FAM83C: variants seen among roughly 807,000 people sequenced by gnomAD.
The protein encoded by FAM83C is protein FAM83C.
In FAM83C, 23 loss-of-function variants were observed where a neutral mutation model predicts 27.1. The observed-to-expected ratio is 0.85, with a 90% CI of 0.61 to 1.20. The LOEUF (loss-of-function observed/expected upper bound fraction) is 1.20, where lower values mean the gene tolerates loss of function less well. Among genes scored for constraint, FAM83C ranks in the 50% most tolerant of loss-of-function variants. FAM83C has a pLI of 0.00. For synonymous variants in FAM83C, 426 were observed against 423.1 expected, an observed-to-expected ratio of 1.01 and a Z score of -0.09; for missense variants, 984 against 1,001.3, an observed-to-expected ratio of 0.98 and a Z score of 0.23.
Position 35,291,986 on chromosome 20 carries a change from G to C in FAM83C, c.319C>G (p.Leu107Val). 1 of 1,613,356 alleles carries C rather than the reference G, an allele frequency of 6.2e-7. No homozygotes were observed. Among genetic ancestry groups the C allele is most frequent in the Non-Finnish European group, 8.5e-7 (1 of 1,179,520 alleles). The part of the protein sequence containing the change: ...QEASGPDRLS[L>V]LSEVTSGTYF... ...GTCCCTGAGGTGACTTCAGAGAGCA[G>C]GCTGAGGCGGTCTGGCCCGGAGGCC... Residue 107 changes from leucine (L) to valine (V), a missense_variant, in exon 1 of 4, where the codon CTG becomes GTG. Leu to Val is a conservative substitution (Grantham distance 32). Coordinates refer to ENST00000374408, the MANE Select transcript of FAM83C (RefSeq NM_178468.6).
rs201285340 is a variant in FAM83C at position 35,288,600 on chromosome 20, G to A, written c.682-15C>T. 1.7e-4 allele frequency: 277 copies of A among 1,613,770 alleles called. 1 individual carries two copies. The highest frequency in any genetic ancestry group is 2.2e-4 in the Non-Finnish European group (257 of 1,179,772). ...ACACGCATGTTCTAGGTGGAAGTAG[G>A]TTGGGGGTGACCTTGAGAGAGTGAG... On this transcript the variant is annotated splice_polypyrimidine_tract_variant and intron_variant, in intron 2 of 3. Transcript: ENST00000374408.
At position 35,286,418 on chromosome 20, in the gene FAM83C, T is replaced by A; in HGVS notation, c.*117A>T. ...GAATCTTGAGCCCAGAGAGTGTGTC[T>A]GACCTGGGTTTCTAGACACCTCCCT... On this transcript the variant is annotated 3_prime_UTR_variant, in exon 4 of 4. Transcript: ENST00000374408. The A allele has an allele frequency of 2.2e-6, 2 of 898,472 alleles. No individual in the cohort carries two copies. Among genetic ancestry groups the A allele is most frequent in the South Asian group, 3.5e-5 (2 of 57,254 alleles). The allele number at this position is 898,472 out of a possible 1,614,324, so 55.7% of individuals were successfully genotyped here.
Position 35,287,762 on chromosome 20 carries a change from C to A in FAM83C, c.1017G>T (p.Thr339=). Residue 339 remains threonine (T), a synonymous_variant, in exon 4 of 4, where the codon ACG becomes ACT. Coordinates refer to ENST00000374408, the MANE Select transcript of FAM83C (RefSeq NM_178468.6). ...GGCTGGTGCTGGAGGGCAGGGACGA[C>A]GTGGGGCTTGGGACATCAGGCCTGA... ...LAFRPDVPSP[T]SSLPSSTSLS... 6.2e-7 allele frequency: 1 copy of A among 1,612,904 alleles called. No individual in the cohort carries two copies. The highest frequency in any genetic ancestry group is 8.5e-7 in the Non-Finnish European group (1 of 1,179,472).
rs2060834818 is a variant in FAM83C, at chr20:35,287,934, A to G, written c.845T>C (p.Val282Ala). The G allele has an allele frequency of 1.9e-6, 3 of 1,557,948 alleles. No individual in the cohort carries two copies. The highest frequency in any genetic ancestry group is 1.7e-4 in the Middle Eastern group (1 of 6,004). Residue 282 changes from valine (V) to alanine (A), a missense_variant, in exon 4 of 4, where the codon GTG (valine) becomes GCG (alanine). Physicochemically the swap from Val to Ala is moderately conservative, Grantham distance 64. Transcript: ENST00000374408. ...WLCSQAHTSM[V>A]LQLRGRIVED... ...CACGATGCGGCCCCTCAGCTGCAGCACCATGCTAGTGTGGGCCTGGCTGCA... is the reference window on the plus strand; with the variant it reads ...CACGATGCGGCCCCTCAGCTGCAGCGCCATGCTAGTGTGGGCCTGGCTGCA...
intron 3 of FAM83C, 139 bp from the exon 4 acceptor site, chr20:35,288,111 A>G: frequency 1.3e-6 from 1 of 799,732 alleles, no homozygotes; most frequent in Non-Finnish European, 1.9e-6. Flanking sequence ...AGCGAGGGGC[A>G]GAGCTCCAAC....
chr20:35,291,947 C>G lies in FAM83C; in HGVS notation c.358G>C (p.Ala120Pro). Residue 120 changes from alanine to proline, a missense_variant, in exon 1 of 4, where the codon GCC becomes CCC. By Grantham distance (27) the Ala-to-Pro change is conservative. Coordinates refer to ENST00000374408, the MANE Select transcript of FAM83C (RefSeq NM_178468.6). Reference protein sequence around the residue: ...EVTSGTYFPMASDIDPPDLDL... With the variant: ...EVTSGTYFPMPSDIDPPDLDL... ...AGGTCTGGGGGGTCTATGTCAGAGGCCATGGGGAAGTAAGTCCCTGAGGTG... is the reference window on the plus strand; with the variant it reads ...AGGTCTGGGGGGTCTATGTCAGAGGGCATGGGGAAGTAAGTCCCTGAGGTG... 1 of 1,610,668 alleles carries G rather than the reference C, an allele frequency of 6.2e-7. No individual in the cohort carries two copies. Among genetic ancestry groups the G allele is most frequent in the East Asian group, 2.2e-5 (1 of 44,772 alleles).
Position 35,287,026 on chromosome 20 carries a change from G to C in FAM83C, c.1753C>G (p.Leu585Val), listed in dbSNP as rs1453024504. ...PGDRALEDRRLSLNQSRGQSD... is the reference protein window; with the variant it reads ...PGDRALEDRRVSLNQSRGQSD... Reference sequence around the variant, plus strand: ...TGGCCACGGCTTTGGTTTAGGGACAGCCTCCTGTCCTCCAGGGCCCGATCA... The same window carrying C: ...TGGCCACGGCTTTGGTTTAGGGACACCCTCCTGTCCTCCAGGGCCCGATCA... Residue 585 changes from leucine (L) to valine (V), a missense_variant, in exon 4 of 4, where the codon CTG (leucine) becomes GTG (valine). Transcript: ENST00000374408. 1.2e-6 allele frequency: 2 copies of C among 1,606,648 alleles called. No homozygotes were observed.
intron 3 of FAM83C, 86 bp from the exon 4 acceptor site, chr20:35,288,058 G>A: frequency 5.9e-6 from 7 of 1,191,798 alleles, no homozygotes; most frequent in Non-Finnish European, 8.2e-6. Context: ...TGCATACCTG[G>A]TCCAGCACGC....
chr20:35,285,913 G>T lies in FAM83C; in HGVS notation c.*622C>A, dbSNP rs2060820798. ...TCAGCAAGATGATGACGACGACAAT[G>T]ATGATGATGATAATGATGATGTGTG... On this transcript the variant is annotated 3_prime_UTR_variant, in exon 4 of 4. Coordinates refer to ENST00000374408, the MANE Select transcript of FAM83C (RefSeq NM_178468.6). 6.5e-6 allele frequency: 1 copy of T among 154,346 alleles called. No individual in the cohort carries two copies. Among genetic ancestry groups the T allele is most frequent in the African/African-American group, 2.4e-5 (1 of 40,840 alleles). 9.6% of individuals were successfully genotyped at this position (154,346 alleles called of 1,614,324 possible).
Position 35,291,841 on chromosome 20 carries a change from G to A in FAM83C, c.464C>T (p.Ala155Val). The stretch of plus-strand genomic sequence containing the variant: ...GCGCAGCAGGTCCTTGATGTTCTTG[G>A]CCTTGTCCCTCTGGAAGTGGACCAC... ...QAVVHFQRDK[A>V]KNIKDLLRFL... is the part of the protein sequence containing the mutation. Residue 155 changes from alanine (A) to valine (V), a missense_variant, in exon 1 of 4, where the codon GCC becomes GTC. Ala to Val is a moderately conservative substitution (Grantham distance 64). Coordinates refer to ENST00000374408, the MANE Select transcript of FAM83C (RefSeq NM_178468.6). 1 of 1,614,186 alleles carries A rather than the reference G, an allele frequency of 6.2e-7. No individual in the cohort carries two copies. Among genetic ancestry groups the A allele is most frequent in the African/African-American group, 1.3e-5 (1 of 75,058 alleles).
intron 1 of FAM83C, among the ~76,000 whole-genome samples, chr20:35,289,363 CAG>C: frequency 6.7e-6 from 1 of 150,258 alleles, no homozygotes; most frequent in South Asian, 2.1e-4. Context: ...TTTTTTGAGA[CAG>C]AGTCTCACTC....
In FAM83C at chr20:35,292,288, C is replaced by T; in HGVS notation, c.17G>A (p.Gly6Glu). The change falls in exon 1 of 4, where the codon GGG (glycine) becomes GAG (glutamate). Residue 6 changes from glycine (G) to glutamate (E), a missense_variant. Transcript: ENST00000374408. MFGGP[G>E]PGVLGAQGMA... ...GCCCTGGGCTCCCAGGACCCCAGGC[C>T]CCGGGCCTCCGAACATGCCTGCCAC... 1 of 1,531,228 alleles carries T rather than the reference C, an allele frequency of 6.5e-7. No individual in the cohort carries two copies. Among genetic ancestry groups the T allele is most frequent in the African/African-American group, 1.4e-5 (1 of 73,236 alleles). The allele number at this position is 1,531,228 out of a possible 1,614,324, so 94.9% of individuals were successfully genotyped here. A position where few individuals can be genotyped will look rare whatever the true frequency, so the allele number is the denominator to read the frequency against.
rs764458640 is a variant in FAM83C, at chr20:35,287,401, G to A, written c.1378C>T (p.Pro460Ser). The change falls in exon 4 of 4, where the codon CCA becomes TCA. Residue 460 changes from proline to serine, a missense_variant. Transcript: ENST00000374408. ...RPLLQFHRGA[P>S]ALSRFPENGL... Reference sequence around the variant, plus strand: ...TTCTCTGGGAACCGGGACAGAGCTGGGGCACCCCGATGGAACTGGAGGAGG... The same window carrying A: ...TTCTCTGGGAACCGGGACAGAGCTGAGGCACCCCGATGGAACTGGAGGAGG... The A allele has an allele frequency of 3.7e-6, 6 of 1,614,116 alleles. No homozygotes were observed. Among genetic ancestry groups the A allele is most frequent in the Admixed American group, 3.3e-5 (2 of 60,028 alleles).
At chr20:35,290,167 G>A (rs2060842844) in intron 1 of FAM83C, among the ~76,000 whole-genome samples, 1 of 152,202 alleles carries the variant, frequency 6.6e-6, no homozygotes, top group African/African-American at 2.4e-5. Context: ...CATGCCAAAT[G>A]GATCCAAGTT....
At chr20:35,288,306 G>A (rs1373430239) in intron 3 of FAM83C, among the ~76,000 whole-genome samples, 155 bp downstream of exon 3, 1 of 152,064 alleles carries the variant, frequency 6.6e-6, no homozygotes, top group Non-Finnish European at 1.5e-5. Context: ...CTCCAGGGCC[G>A]ATGCCCCCGA....
In FAM83C at chr20:35,291,861, G is replaced by C. The variant is rs771129353; in HGVS notation, c.444C>G (p.Val148=). ...TCTTGGCCTTGTCCCTCTGGAAGTG[G>C]ACCACAGCCTGGGTGGGGCTGAAGC... The part of the protein sequence containing the change: ...ATGFSPTQAV[V]HFQRDKAKNI... The change falls in exon 1 of 4, where the codon GTC becomes GTG. Residue 148 remains valine, a synonymous_variant. Transcript: ENST00000374408. 1.9e-5 allele frequency: 30 copies of C among 1,614,172 alleles called. No individual in the cohort carries two copies. The highest frequency in any genetic ancestry group is 2.5e-5 in the Non-Finnish European group (29 of 1,180,022).
chr20:35,286,742 C>T lies in FAM83C; in HGVS notation c.2037G>A (p.Lys679=). The T allele has an allele frequency of 6.2e-7, 1 of 1,614,168 alleles. No individual in the cohort carries two copies. Among genetic ancestry groups the T allele is most frequent in the Non-Finnish European group, 8.5e-7 (1 of 1,180,018 alleles). Residue 679 remains lysine, a synonymous_variant, in exon 4 of 4, where the codon AAG becomes AAA. Coordinates refer to ENST00000374408, the MANE Select transcript of FAM83C (RefSeq NM_178468.6). Reference sequence around the variant, plus strand: ...GATGATACTTGGTGATGAGGTCCAGCTTGCTGTGGCCCAGGGTTAGCCGTT... The same window carrying T: ...GATGATACTTGGTGATGAGGTCCAGTTTGCTGTGGCCCAGGGTTAGCCGTT... ...DEKRLTLGHS[K]LDLITKYHQL...
At position 35,292,091 on chromosome 20, in the gene FAM83C, A is replaced by G. The variant is rs145541582; in HGVS notation, c.214T>C (p.Phe72Leu). The G allele has an allele frequency of 4.5e-5, 72 of 1,608,292 alleles. 2 individuals are homozygous for G. In the African/African-American group the frequency reaches 8.8e-4, roughly 20 times the overall value. Residue 72 changes from phenylalanine to leucine, a missense_variant, in exon 1 of 4, where the codon TTC becomes CTC. Physicochemically the swap from Phe to Leu is conservative, Grantham distance 22. Coordinates refer to ENST00000374408, the MANE Select transcript of FAM83C (RefSeq NM_178468.6). ...TAGTCCACATCCAGGGCGCTCAGGA[A>G]GGGCAGCTCCCGCTCCTCGGAGATG... The part of the protein sequence containing the change: ...RVISEERELP[F>L]LSALDVDYMT...
intron 1 of FAM83C, among the ~76,000 whole-genome samples, chr20:35,290,569 G>C (rs529423447): frequency 6.6e-6 from 1 of 152,314 alleles, no homozygotes; most frequent in African/African-American, 2.4e-5. Context: ...TAAACATTGG[G>C]CTGCAGGGCA....
Sources: gnomAD v4.1 joint callset for allele counts (sites outside exome capture counted in the v4.1 genomes callset) on GRCh38, gnomAD v4.1.1 for gene constraint, MANE v1.5 for transcripts, NCBI Gene and HGNC (gene_info 2026-07-23, HGNC 2026-07-21) for gene names.